ANK2: variants seen among roughly 807,000 people sequenced by gnomAD.
ANK2 encodes the protein ankyrin-2.
A neutral mutation model predicts 360.5 loss-of-function variants in ANK2; 83 were observed. The ratio of observed to expected loss-of-function variants is 0.23; its 90% CI spans 0.19 to 0.28. The LOEUF is 0.28. ANK2 is among the 10% of genes least tolerant of loss of function. The pLI is 1.00. For synonymous variants in ANK2, 1,740 were observed against 1,759.5 expected (o/e 0.99, Z 0.28); for missense variants, 4,201 against 4,795.7 (o/e 0.88, Z 3.66).
At chr4:112,887,680 A>G (rs1280222035) in intron 1 of ANK2, among the ~76,000 whole-genome samples, 4 of 152,170 alleles carry the variant, frequency 2.6e-5, no homozygotes, top group Admixed American at 6.5e-5. Context: ...GAGTTTTCAT[A>G]GAGGTTTCCA....
intron 4 of ANK2, among the ~76,000 whole-genome samples, chr4:113,212,684 C>T (rs1023498062): frequency 6.6e-6 from 1 of 152,174 alleles, no homozygotes; most frequent in Non-Finnish European, 1.5e-5. Flanking sequence ...GAGTTCTCAT[C>T]TGTGATAGGG....
intron 1 of ANK2, chr4:113,174,030 C>CT: frequency 5.3e-6 from 1 of 189,822 alleles, no homozygotes; most frequent in South Asian, 9.6e-5. Flanking sequence ...CTTTCTGATT[C>CT]TTTTTTGACT....
At chr4:113,255,035 G>T (rs2153622811) in intron 10 of ANK2, among the ~76,000 whole-genome samples, 1 of 152,222 alleles carries the variant, frequency 6.6e-6, no homozygotes, top group African/African-American at 2.4e-5. Context: ...CTGCTTTCTT[G>T]TGTTCCTGCT....
chr4:113,364,090 G>C (rs888420091), intron 40 of ANK2, among the ~76,000 whole-genome samples: 1 of 152,112 alleles, frequency 6.6e-6, no homozygotes, highest in African/African-American at 2.4e-5. Flanking sequence ...GGTGGGAGGA[G>C]GTGCTCCTTA....
At chr4:113,351,829 G>A (rs1357848578) in intron 37 of ANK2, among the ~76,000 whole-genome samples, 1 of 152,074 alleles carries the variant, frequency 6.6e-6, no homozygotes, top group African/African-American at 2.4e-5. Flanking sequence ...ACTCAAGTTT[G>A]CTTTTGATTT....
chr4:113,355,459 A>G lies in ANK2; in HGVS notation c.6841A>G (p.Thr2281Ala). ...AATTCGTTCAGAAAAAGAGCATCCC[A>G]CGACCAAAGACATTACTGGTGGCTC... ...TEIRSEKEHPTTKDITGGSEE... is the reference protein window; with the variant it reads ...TEIRSEKEHPATKDITGGSEE... Residue 2281 changes from threonine to alanine, a missense_variant, in exon 38 of 46, where the codon ACG (threonine) becomes GCG (alanine). Transcript: ENST00000357077. 1 of 1,613,980 alleles carries G rather than the reference A, an allele frequency of 6.2e-7. No homozygotes were observed.
chr4:112,903,566 C>T (rs74701080), intron 1 of ANK2, among the ~76,000 whole-genome samples: 3 of 152,078 alleles, frequency 2.0e-5, no homozygotes, highest in Admixed American at 2.0e-4. Flanking sequence ...AGAAGCATGG[C>T]CATATATTAG....
intron 26 of ANK2, chr4:113,323,647 G>A (rs1186121433): frequency 9.9e-7 from 1 of 1,015,118 alleles, no homozygotes; most frequent in African/African-American, 1.6e-5. Flanking sequence ...ATTTCCATTT[G>A]TTTTCAATGA....
intron 1 of ANK2, among the ~76,000 whole-genome samples, chr4:113,154,324 C>A (rs770034565): frequency 3.4e-4 from 52 of 152,182 alleles, no homozygotes; most frequent in Non-Finnish European, 1.0e-4. Flanking sequence ...CACTGGAAAT[C>A]CAAGGAGTAA....
the ANK2 span, among the ~76,000 whole-genome samples, chr4:112,723,705 A>G: frequency 6.6e-6 from 1 of 152,112 alleles, no homozygotes; most frequent in African/African-American, 2.4e-5. Context: ...GACTTGATAT[A>G]AATTTCCTGG....
chr4:113,229,173 C>A (rs926771049), intron 4 of ANK2, among the ~76,000 whole-genome samples: 1 of 152,252 alleles, frequency 6.6e-6, no homozygotes, highest in East Asian at 1.9e-4. Context: ...CCACCAGTGG[C>A]TTGAAACAAC....
intron 2 of ANK2, among the ~76,000 whole-genome samples, chr4:112,978,166 C>T (rs371780049): frequency 1.3e-5 from 2 of 152,128 alleles, no homozygotes; most frequent in African/African-American, 4.8e-5. Flanking sequence ...ATTGCTTGAA[C>T]CTGGGAGGCA....
chr4:112,917,872 A>G (rs1000228696), intron 2 of ANK2, among the ~76,000 whole-genome samples: 20 of 152,228 alleles, frequency 1.3e-4, no homozygotes, highest in African/African-American at 4.1e-4. Context: ...ACTAGCCAAC[A>G]GGTTTTTACA....
chr4:113,200,762 T>G (rs559744614), intron 4 of ANK2, among the ~76,000 whole-genome samples: 3 of 152,314 alleles, frequency 2.0e-5, no homozygotes, highest in African/African-American at 7.2e-5. Context: ...ATGACTTTGC[T>G]ATTGTGAATA....
intron 2 of ANK2, among the ~76,000 whole-genome samples, chr4:113,194,452 A>G (rs2098718917): frequency 6.6e-6 from 1 of 152,200 alleles, no homozygotes; most frequent in Admixed American, 6.5e-5. Context: ...TCATAAAATC[A>G]GCAAGAGAAG....
At position 112,826,410 on chromosome 4, in the gene ANK2, CT is replaced by C. The variant is rs2058417346; in HGVS notation, c.-40+8149del. ...AGTTGTCCCTGGAACAGAAGTAACA[CT>C]TTCCCTACCAGCAGTAACTTTTGAA... On this transcript the variant is annotated intron_variant, in intron 1 of 30. Transcript: ENST00000503271. 2.9e-6 allele frequency: 3 copies of C among 1,024,360 alleles called. No individual in the cohort carries two copies. In the East Asian group the frequency reaches 7.2e-5, roughly 24 times the overall value. The allele number at this position is 1,024,360 out of a possible 1,614,324, so 63.5% of individuals were successfully genotyped here. A position where few individuals can be genotyped will look rare whatever the true frequency, so the allele number is the denominator to read the frequency against.
At chr4:113,102,698 A>G (rs566647305) in intron 1 of ANK2, among the ~76,000 whole-genome samples, 2 of 152,312 alleles carry the variant, frequency 1.3e-5, no homozygotes, top group South Asian at 4.1e-4. Context: ...AAAAAATCAG[A>G]TAATCTGAGG....
intron 2 of ANK2, among the ~76,000 whole-genome samples, chr4:112,911,627 A>G (rs921779894): frequency 2.0e-5 from 3 of 152,182 alleles, no homozygotes; most frequent in East Asian, 3.9e-4. Context: ...GGCTGCCATT[A>G]TCAATATATT....
chr4:112,748,881 G>A, the ANK2 span, among the ~76,000 whole-genome samples: 3 of 152,096 alleles, frequency 2.0e-5, no homozygotes, highest in South Asian at 2.1e-4. Context: ...GTCAGTGGAC[G>A]GACCTATGAT....
Sources: gnomAD v4.1 joint callset for allele counts (sites outside exome capture counted in the v4.1 genomes callset) on GRCh38, gnomAD v4.1.1 for gene constraint, MANE v1.5 for transcripts, NCBI Gene and HGNC (gene_info 2026-07-23, HGNC 2026-07-21) for gene names.